Variants in FXR1 observed in about 807,000 individuals in gnomAD.
The protein encoded by FXR1 is FMR1 autosomal homolog 1, also known as RNA-binding protein FXR1.
FXR1 carries 15 observed loss-of-function variants against 84.0 expected under a neutral mutation model. That is an observed-to-expected ratio of 0.18 (90% CI 0.12 to 0.27). FXR1 has a LOEUF of 0.27. Among genes scored for constraint, FXR1 ranks in the 10% least tolerant of loss-of-function variants. The probability of loss-of-function intolerance (pLI) is 1.00; values close to 1 mark genes in which losing one functional copy is unlikely to be tolerated. For synonymous variants in FXR1, 245 were observed against 250.7 expected (o/e 0.98, Z 0.21); for missense variants, 480 against 774.4 (o/e 0.62, Z 4.51).
chr3:180,948,044 C>A, intron 4 of FXR1, 108 bp downstream of exon 4: 1 of 681,816 alleles, frequency 1.5e-6, no homozygotes, highest in Non-Finnish European at 2.6e-6. Context: ...AAAAGCCTAC[C>A]TGAGAAATAG....
In FXR1 at chr3:180,978,889, C is replaced by T. The variant is rs904356114; in HGVS notation, c.*2597C>T. Reference sequence around the variant, plus strand: ...CTAGGATTCTTGCTTTAGGCATCACCTTTGTTAAGCCTTAAAGGGGGCTAC... The same window carrying T: ...CTAGGATTCTTGCTTTAGGCATCACTTTTGTTAAGCCTTAAAGGGGGCTAC... On this transcript the variant is annotated 3_prime_UTR_variant, in exon 17 of 17. Coordinates refer to ENST00000357559, the MANE Select transcript of FXR1 (RefSeq NM_005087.4). The T allele has an allele frequency of 1.3e-5, 2 of 152,044 alleles. No homozygotes were observed. The highest frequency in any genetic ancestry group is 2.4e-5 in the African/African-American group (1 of 41,394). 9.4% of individuals were successfully genotyped at this position (152,044 alleles called of 1,614,324 possible).
chr3:180,933,142 G>T (rs1048145903), intron 1 of FXR1, 192 bp from the exon 2 acceptor site: 5 of 534,352 alleles, frequency 9.4e-6, no homozygotes, highest in African/African-American at 7.9e-5. Flanking sequence ...GAAAAATGAG[G>T]TTCAGAGAGG....
At chr3:180,915,666 C>T (rs189930234) in intron 1 of FXR1, 20 of 703,912 alleles carry the variant, frequency 2.8e-5, no homozygotes, top group Non-Finnish European at 4.1e-5. Context: ...CCTCCTCTTA[C>T]CCCGTATAGG....
At chr3:180,942,377 CAAAAAAAAA>C (rs765066164) in intron 3 of FXR1, among the ~76,000 whole-genome samples, 19 of 31,126 alleles carry the variant, frequency 6.1e-4, no homozygotes, top group African/African-American at 1.7e-3. Flanking sequence ...GACTCCGTCT[CAAAAAAAAA>C]AAAAAAAAAA....
chr3:180,926,469 G>T (rs1046296534), intron 1 of FXR1, among the ~76,000 whole-genome samples: 1 of 132,134 alleles, frequency 7.6e-6, no homozygotes, highest in South Asian at 2.4e-4. Flanking sequence ...TATTTAGGGG[G>T]ATTGTACTGT....
chr3:180,952,850 A>G lies in FXR1; in HGVS notation c.802-912A>G, dbSNP rs1184374720. On this transcript the variant is annotated intron_variant, in intron 8 of 16. Transcript: ENST00000357559. ...TTGCTTTTTTTTTTTTTTTTTTTTA[A>G]AGAGACAGGGTCTACTCTGTTGCTC... Among the ~76,000 whole-genome samples the G allele has an allele frequency of 3.5e-5, 5 of 142,644 alleles. 1 individual carries two copies. 93.6% of individuals were successfully genotyped at this position (142,644 alleles called of 152,430 possible).
intron 15 of FXR1, among the ~76,000 whole-genome samples, chr3:180,972,772 T>TTAA (rs1713747370): frequency 1.3e-5 from 2 of 152,176 alleles, no homozygotes; most frequent in Admixed American, 6.5e-5. Flanking sequence ...TTTACTTCTT[T>TTAA]GGGATTACTA....
At chr3:180,914,184 T>A (rs1171365335) in intron 1 of FXR1, among the ~76,000 whole-genome samples, 1 of 152,230 alleles carries the variant, frequency 6.6e-6, no homozygotes, top group Non-Finnish European at 1.5e-5. Context: ...TAAGACTTGA[T>A]GTCAGACCAA....
Position 180,976,185 on chromosome 3 carries a change from T to G in FXR1, c.1759T>G (p.Ser587Ala), listed in dbSNP as rs201637634. 1 of 1,613,154 alleles carries G rather than the reference T, an allele frequency of 6.2e-7. No homozygotes were observed. Residue 587 changes from serine to alanine, a missense_variant, in exon 17 of 17, where the codon TCT becomes GCT. By Grantham distance (99) the Ser-to-Ala change is moderately conservative. This residue lies in a region of FXR1 where 94 missense variants were observed against 81.8 expected (regional missense o/e 1.15). Coordinates refer to ENST00000357559, the MANE Select transcript of FXR1 (RefSeq NM_005087.4). ...EKAINGPTSA[S>A]GDDISKLQRT... ...GGCAATAAACGGCCCAACTAGTGCT[T>G]CTGGCGATGACATTTCTAAGCTACA... is the stretch of plus-strand genomic sequence containing the variant.
At position 180,975,386 on chromosome 3, in the gene FXR1, TA is replaced by T; in HGVS notation, c.1682del (p.Asn561ThrfsTer9). Reference protein sequence around the residue: ...QRNLPRETLAKNKKEMAKDVI... With the variant: ...QRNLPRETLAXNKKEMAKDVI... ...GAAACCTCCCAAGGGAAACTTTGGC[TA>T]AAAACAAGAAAGAAATGGTAAGGAG... is the stretch of plus-strand genomic sequence containing the variant. On this transcript the variant is annotated frameshift_variant, in exon 16 of 17. Transcript: ENST00000357559. LOFTEE classifies it high-confidence loss of function. 1 of 1,462,292 alleles carries T rather than the reference TA, an allele frequency of 6.8e-7. No homozygotes were observed. The highest frequency in any genetic ancestry group is 9.5e-7 in the Non-Finnish European group (1 of 1,057,790). 90.6% of individuals were successfully genotyped at this position (1,462,292 alleles called of 1,614,324 possible).
chr3:180,923,307 A>G (rs1212856470), intron 1 of FXR1, among the ~76,000 whole-genome samples: 3 of 152,158 alleles, frequency 2.0e-5, no homozygotes, highest in Non-Finnish European at 4.4e-5. Context: ...AATTACTCCA[A>G]AGAGTCTGGG....
intron 2 of FXR1, among the ~76,000 whole-genome samples, chr3:180,933,806 G>A (rs534155673): frequency 4.6e-5 from 7 of 152,166 alleles, no homozygotes; most frequent in African/African-American, 1.4e-4. Flanking sequence ...GGTTTGGTTA[G>A]GAAGGGCTAT....
intron 10 of FXR1, among the ~76,000 whole-genome samples, chr3:180,960,690 C>T (rs776863505): frequency 6.6e-6 from 1 of 152,094 alleles, no homozygotes; most frequent in Non-Finnish European, 1.5e-5. Flanking sequence ...GTCTCGAACT[C>T]ATGAACTCAA....
Position 180,953,758 on chromosome 3 carries a change from A to G in FXR1, c.802-4A>G, listed in dbSNP as rs762028833. On this transcript the variant is annotated splice_region_variant and splice_polypyrimidine_tract_variant and intron_variant, in intron 8 of 16. Coordinates refer to ENST00000357559, the MANE Select transcript of FXR1 (RefSeq NM_005087.4). ...TTCATTTTTACTTTTCCCCTCATCT[A>G]CAGAGTGCTGATGCTGTAAAAAAGG... 2.8e-5 allele frequency: 41 copies of G among 1,480,618 alleles called. No individual in the cohort carries two copies. In the African/African-American group the frequency reaches 4.4e-4, roughly 16 times the overall value. 91.7% of individuals were successfully genotyped at this position (1,480,618 alleles called of 1,614,324 possible). A position where few individuals can be genotyped will look rare whatever the true frequency, so the allele number is the denominator to read the frequency against.
intron 10 of FXR1, 132 bp downstream of exon 10, chr3:180,958,060 T>C (rs532505719): frequency 4.4e-6 from 2 of 455,546 alleles, no homozygotes; most frequent in Non-Finnish European, 7.9e-6. Flanking sequence ...TTTTATAATA[T>C]TATTTCATAC....
chr3:180,967,185 A>G (rs1712938072), intron 13 of FXR1, among the ~76,000 whole-genome samples: 1 of 152,176 alleles, frequency 6.6e-6, no homozygotes, highest in Admixed American at 6.5e-5. Context: ...TTTTGCCATT[A>G]AAAGTAAGAA....
At chr3:180,944,499 AT>A (rs966283028) in intron 3 of FXR1, among the ~76,000 whole-genome samples, 8 of 151,368 alleles carry the variant, frequency 5.3e-5, no homozygotes, top group African/African-American at 1.7e-4. Context: ...TTAAAAAAAA[AT>A]TTTTTTTATA....
intron 10 of FXR1, among the ~76,000 whole-genome samples, chr3:180,959,167 T>C (rs1711743964): frequency 6.6e-6 from 1 of 152,210 alleles, no homozygotes; most frequent in Non-Finnish European, 1.5e-5. Context: ...TCTGAAAGTA[T>C]TGACCATTTC....
chr3:180,957,174 C>T (rs537139406), intron 9 of FXR1, among the ~76,000 whole-genome samples: 24 of 148,896 alleles, frequency 1.6e-4, no homozygotes, highest in Middle Eastern at 3.6e-3. Flanking sequence ...GTTTGACAGA[C>T]TTACAAGTTA....
Sources: gnomAD v4.1 joint callset for allele counts (sites outside exome capture counted in the v4.1 genomes callset) on GRCh38, gnomAD v4.1.1 for gene constraint, gnomAD v4.1.1 regional missense constraint, MANE v1.5 for transcripts, NCBI Gene and HGNC (gene_info 2026-07-23, HGNC 2026-07-21) for gene names.